MOK: variants seen among roughly 807,000 people sequenced by gnomAD.
MOK encodes the protein MAPK/MAK/MRK overlapping kinase.
MOK carries 59 observed loss-of-function variants against 54.2 expected under a neutral mutation model. The observed-to-expected ratio is 1.09, with a 90% confidence interval of 0.88 to 1.35. MOK has a LOEUF of 1.35. Ranked by LOEUF, MOK falls within the 40% of genes most tolerant of loss-of-function variation. MOK has a pLI of 0.00. For missense variants in MOK, 517 were observed against 526.2 expected, an observed-to-expected ratio of 0.98 and a Z score of 0.17; for synonymous variants, 210 against 202.7, an observed-to-expected ratio of 1.04 and a Z score of -0.31.
intron 1 of MOK, 97 bp downstream of exon 1, chr14:102,304,865 G>C (rs1344370950): frequency 1.4e-6 from 2 of 1,388,562 alleles, no homozygotes; most frequent in East Asian, 2.5e-5. Flanking sequence ...GACGACGCCC[G>C]GCCCCACAGG....
Position 102,229,556 on chromosome 14 carries a change from C to G in MOK, c.1083G>C (p.Ser361=), listed in dbSNP as rs142670145. 2.8e-5 allele frequency: 46 copies of G among 1,614,180 alleles called. No individual in the cohort carries two copies. The African/African-American group carries it at 5.7e-4, about 20-fold the overall frequency. ...ACTGCAGCGTGGGGCTGGAGTAAGA[C>G]GACAGTCTGACCACTCCCGAAAGCT... ...KLKLSGVVRL[S]SYSSPTLQSV... Residue 361 remains serine (S), a synonymous_variant, in exon 11 of 12, where the codon TCG becomes TCC. Transcript: ENST00000361847.
chr14:102,219,919 A>G (rs1005763492), downstream of MOK, among the ~76,000 whole-genome samples: 1 of 152,264 alleles, frequency 6.6e-6, no homozygotes, highest in Non-Finnish European at 1.5e-5. Context: ...AGAGTGGGAC[A>G]GTGGAGGGCA....
chr14:102,278,620 AG>A, intron 2 of MOK: 1 of 454,066 alleles, frequency 2.2e-6, no homozygotes, highest in Admixed American at 2.3e-5. Flanking sequence ...GCTCAGAGTC[AG>A]CTCCACGACG....
At chr14:102,303,407 G>A (rs757018525) in intron 1 of MOK, among the ~76,000 whole-genome samples, 3 of 152,152 alleles carry the variant, frequency 2.0e-5, no homozygotes, top group Non-Finnish European at 4.4e-5. Context: ...CTTTAAAAAT[G>A]TCATTTGGCC....
chr14:102,278,153 A>C (rs1302940393), intron 2 of MOK, among the ~76,000 whole-genome samples: 1 of 152,172 alleles, frequency 6.6e-6, no homozygotes, highest in Non-Finnish European at 1.5e-5. Context: ...GTCTGCCAGC[A>C]TCTTAATCTT....
chr14:102,287,008 G>A (rs986790500), intron 1 of MOK, among the ~76,000 whole-genome samples: 24 of 151,928 alleles, frequency 1.6e-4, no homozygotes, highest in African/African-American at 5.3e-4. Flanking sequence ...GGTTACAGGT[G>A]TCTCATTTTC....
At chr14:102,266,033 GT>G in intron 2 of MOK, 121 bp from the exon 3 acceptor site, 1 of 704,770 alleles carries the variant, frequency 1.4e-6, no homozygotes, top group Non-Finnish European at 2.3e-6. Context: ...AGTTAATCAG[GT>G]TTTATTTCTC....
chr14:102,286,568 A>C (rs916381877), intron 1 of MOK, among the ~76,000 whole-genome samples: 3 of 151,732 alleles, frequency 2.0e-5, no homozygotes, highest in African/African-American at 4.8e-5. Context: ...TAGGGATCGC[A>C]CTACTATACG....
chr14:102,239,105 T>C (rs1351885253), intron 7 of MOK, among the ~76,000 whole-genome samples: 2 of 152,128 alleles, frequency 1.3e-5, no homozygotes, highest in East Asian at 3.9e-4. Context: ...CTCCAATCAA[T>C]CAGACAATGG....
Position 102,240,031 on chromosome 14 carries a change from G to A in MOK, c.591-6242C>T, listed in dbSNP as rs554160502. On this transcript the variant is annotated intron_variant, in intron 7 of 11. Transcript: ENST00000361847. This position sits in a 1 kb window ranked among gnomAD's most constrained non-coding sequence, Gnocchi z 5.4. ...GCAAGTGAAGAATCACAAAAGAAGT[G>A]AAAATGGCCAGCCCTGCCTTAACTG... is the stretch of plus-strand genomic sequence containing the variant. Among the ~76,000 whole-genome samples the A allele has an allele frequency of 2.0e-5, 3 of 152,260 alleles. No homozygotes were observed. The highest frequency in any genetic ancestry group is 2.0e-4 in the Admixed American group (3 of 15,300).
intron 2 of MOK, among the ~76,000 whole-genome samples, chr14:102,275,670 G>A (rs948991972): frequency 1.3e-5 from 2 of 151,172 alleles, no homozygotes; most frequent in Non-Finnish European, 2.9e-5. Flanking sequence ...CCTAGAAGTA[G>A]ACAAAAATTT....
chr14:102,225,489 G>A (rs1372882359), downstream of MOK: 2 of 152,366 alleles, frequency 1.3e-5, no homozygotes, highest in Admixed American at 6.5e-5. Flanking sequence ...AGTTTGGTCA[G>A]ATGATCCAGC....
intron 4 of MOK, among the ~76,000 whole-genome samples, chr14:102,252,269 A>C (rs1167328096): frequency 6.6e-6 from 1 of 152,110 alleles, no homozygotes; most frequent in Non-Finnish European, 1.5e-5. Flanking sequence ...AGCCTGGCCA[A>C]AATGGTGAAA....
intron 1 of MOK, 134 bp from the exon 2 acceptor site, chr14:102,283,726 A>T: frequency 1.7e-6 from 1 of 581,192 alleles, no homozygotes; most frequent in Admixed American, 3.1e-5. Context: ...CTATCTTTGT[A>T]AGATTTAGTG....
intron 1 of MOK, among the ~76,000 whole-genome samples, chr14:102,294,250 T>G (rs532314704): frequency 8.9e-4 from 135 of 152,064 alleles, no homozygotes; most frequent in African/African-American, 3.0e-3. Flanking sequence ...ATCAACACCA[T>G]CCTGGCTAAC....
chr14:102,276,686 G>T (rs2068893923), intron 2 of MOK, among the ~76,000 whole-genome samples: 1 of 151,550 alleles, frequency 6.6e-6, no homozygotes, highest in East Asian at 1.9e-4. Flanking sequence ...AGCTACTCTG[G>T]AGGCTGAGGC....
chr14:102,233,653 T>C, intron 8 of MOK, 35 bp downstream of exon 8: 1 of 1,568,654 alleles, frequency 6.4e-7, no homozygotes, highest in Non-Finnish European at 8.8e-7. Flanking sequence ...AGCAGGGGAG[T>C]GGGTCCACAT....
downstream of MOK, among the ~76,000 whole-genome samples, chr14:102,224,037 A>ATTT (rs533802492): frequency 2.3e-3 from 277 of 123,098 alleles, 8 homozygotes; most frequent in African/African-American, 3.6e-3. Context: ...TTTACCTGAG[A>ATTT]TTTTTTTTTT....
chr14:102,250,558 C>G (rs577964708), intron 7 of MOK, among the ~76,000 whole-genome samples: 17 of 152,316 alleles, frequency 1.1e-4, no homozygotes, highest in African/African-American at 3.8e-4. Flanking sequence ...AAGGAGGCAG[C>G]TGCCCACACC....
Sources: gnomAD v4.1 joint callset for allele counts (sites outside exome capture counted in the v4.1 genomes callset) on GRCh38, gnomAD v4.1.1 for gene constraint, Gnocchi (gnomAD v3.1) non-coding constraint, MANE v1.5 for transcripts, NCBI Gene and HGNC (gene_info 2026-07-23, HGNC 2026-07-21) for gene names.